OCA2: variants seen among roughly 807,000 people sequenced by gnomAD.
The protein encoded by OCA2 is OCA2 melanosomal transmembrane protein.
OCA2 carries 77 observed loss-of-function variants against 100.2 expected under a neutral mutation model. The ratio of observed to expected loss-of-function variants is 0.77; its 90% CI spans 0.64 to 0.93. The LOEUF (loss-of-function observed/expected upper bound fraction) is 0.93. OCA2 is among the 40% of genes least tolerant of loss of function. The pLI, the probability that OCA2 is intolerant of heterozygous loss-of-function variation, is 0.00. For missense variants in OCA2, 1,062 were observed against 1,089.1 expected, an observed-to-expected ratio of 0.98 and a Z score of 0.35; for synonymous variants, 432 against 439.2, an observed-to-expected ratio of 0.98 and a Z score of 0.21.
Position 28,034,456 on chromosome 15 carries a change from C to A in OCA2, c.228-2293G>T, listed in dbSNP as rs182487410. 4.5e-4 allele frequency among the ~76,000 whole-genome samples: 68 copies of A among 152,156 alleles called. No individual in the cohort carries two copies. In the East Asian group the frequency reaches 8.5e-3, roughly 19 times the overall value. On this transcript the variant is annotated intron_variant, in intron 2 of 23. Transcript: ENST00000354638. ...TTTTATTTGGTACTGTAAGTGGCACCCAGTTCAAAGTAAGTTCTTAATAAA... is the reference window on the plus strand; with the variant it reads ...TTTTATTTGGTACTGTAAGTGGCACACAGTTCAAAGTAAGTTCTTAATAAA...
chr15:28,021,063 G>A (rs1248721122), intron 6 of OCA2, among the ~76,000 whole-genome samples: 5 of 152,244 alleles, frequency 3.3e-5, no homozygotes, highest in African/African-American at 1.2e-4. Flanking sequence ...AGGCTATCAA[G>A]TAAGTAGACT....
chr15:27,816,358 C>T (rs750416584), intron 23 of OCA2, among the ~76,000 whole-genome samples: 49 of 152,240 alleles, frequency 3.2e-4, no homozygotes, highest in Non-Finnish European at 3.4e-4. Context: ...CCTGAGCAAT[C>T]CACTCTTACC....
intron 2 of OCA2, among the ~76,000 whole-genome samples, chr15:28,067,328 G>T (rs1403433047): frequency 1.3e-5 from 2 of 151,978 alleles, no homozygotes; most frequent in African/African-American, 2.4e-5. Context: ...TGGTTTCATT[G>T]ATCTTTCGTA....
At chr15:28,064,357 T>C (rs2043961585) in intron 2 of OCA2, among the ~76,000 whole-genome samples, 1 of 149,976 alleles carries the variant, frequency 6.7e-6, no homozygotes, top group South Asian at 2.1e-4. Context: ...TTCTGGTCCT[T>C]TCTCTCTCTC....
chr15:28,050,489 A>G (rs1263283290), intron 2 of OCA2, among the ~76,000 whole-genome samples: 2 of 146,874 alleles, frequency 1.4e-5, no homozygotes, highest in African/African-American at 5.1e-5. Flanking sequence ...TGAACCCGGG[A>G]GGCGGAGGTT....
downstream of OCA2, among the ~76,000 whole-genome samples, chr15:27,753,649 A>G (rs2150966735): frequency 6.6e-6 from 1 of 152,152 alleles, no homozygotes; most frequent in East Asian, 1.9e-4. Flanking sequence ...AGGCAGGAGA[A>G]TGGCGTGAAC....
At chr15:27,878,821 T>C (rs1018549519) in intron 19 of OCA2, among the ~76,000 whole-genome samples, 3 of 152,160 alleles carry the variant, frequency 2.0e-5, no homozygotes, top group Admixed American at 6.5e-5. Flanking sequence ...GAAACTATAA[T>C]TGTTTTTAAT....
At chr15:27,935,124 TC>T (rs1201725255) in intron 18 of OCA2, among the ~76,000 whole-genome samples, 2 of 152,168 alleles carry the variant, frequency 1.3e-5, no homozygotes, top group African/African-American at 4.8e-5. Context: ...GACGGAAACA[TC>T]CCAGTTTCCA....
chr15:27,923,618 T>C (rs1323484415), intron 19 of OCA2, among the ~76,000 whole-genome samples: 1 of 152,260 alleles, frequency 6.6e-6, no homozygotes, highest in African/African-American at 2.4e-5. Flanking sequence ...ATAGGTGATA[T>C]TGAGCTTTTA....
At chr15:27,723,914 C>G in the OCA2 span, among the ~76,000 whole-genome samples, 1 of 152,194 alleles carries the variant, frequency 6.6e-6, no homozygotes, top group East Asian at 1.9e-4. Flanking sequence ...TCTGCGTGCA[C>G]AACCTCCTCC....
At chr15:27,812,169 G>T (rs1685825847) in intron 23 of OCA2, among the ~76,000 whole-genome samples, 1 of 152,192 alleles carries the variant, frequency 6.6e-6, no homozygotes, top group Admixed American at 6.5e-5. Flanking sequence ...TCAGTCAGCG[G>T]CTTCCAGCAG....
chr15:27,871,336 G>T, intron 20 of OCA2, 78 bp from the exon 21 acceptor site: 1 of 1,051,958 alleles, frequency 9.5e-7, no homozygotes. Flanking sequence ...GAGACTCAGA[G>T]GGGCCCGAGG....
intron 2 of OCA2, among the ~76,000 whole-genome samples, chr15:28,049,360 T>A (rs2043439230): frequency 6.6e-6 from 1 of 152,214 alleles, no homozygotes; most frequent in Admixed American, 6.5e-5. Context: ...AGAACTCTCA[T>A]GCACTGCTAG....
At chr15:28,070,040 G>A (rs1247253524) in intron 2 of OCA2, among the ~76,000 whole-genome samples, 2 of 110,792 alleles carry the variant, frequency 1.8e-5, no homozygotes, top group South Asian at 3.1e-4. Flanking sequence ...TGTGGGGAGC[G>A]CCTCTGCCCC....
chr15:27,828,723 G>A (rs971352336), intron 23 of OCA2, among the ~76,000 whole-genome samples: 1 of 152,086 alleles, frequency 6.6e-6, no homozygotes, highest in African/African-American at 2.4e-5. Flanking sequence ...TACTTATCTG[G>A]GACAAACTCC....
chr15:28,099,005 G>C (rs1467849012), intron 1 of OCA2: 1 of 153,958 alleles, frequency 6.5e-6, no homozygotes, highest in Non-Finnish European at 1.4e-5. Context: ...GCAGAGAGCC[G>C]GAGGGGGTGC....
chr15:27,832,181 C>A (rs957871613), intron 23 of OCA2, among the ~76,000 whole-genome samples: 1 of 152,120 alleles, frequency 6.6e-6, no homozygotes, highest in Non-Finnish European at 1.5e-5. Context: ...GTTTTCATCC[C>A]CTCATGGCTC....
the OCA2 span, among the ~76,000 whole-genome samples, chr15:27,735,490 A>G: frequency 6.6e-6 from 1 of 152,188 alleles, no homozygotes; most frequent in Admixed American, 6.5e-5. Context: ...AGAAAGATAT[A>G]AATAACTAGA....
At chr15:27,802,126 C>A (rs1378734661) in intron 23 of OCA2, among the ~76,000 whole-genome samples, 2 of 151,996 alleles carry the variant, frequency 1.3e-5, no homozygotes, top group African/African-American at 4.8e-5. Flanking sequence ...AAGATCCATA[C>A]GTATACATCT....
Sources: allele counts gnomAD v4.1 joint callset (sites outside exome capture counted in the v4.1 genomes callset), GRCh38; gene constraint gnomAD v4.1.1; transcripts MANE v1.5; gene names NCBI Gene and HGNC (gene_info 2026-07-23, HGNC 2026-07-21).